NLRP14: variants seen among roughly 807,000 people sequenced by gnomAD.
NLRP14 encodes NLR family pyrin domain containing 14.
Under a neutral mutation model 94.7 loss-of-function variants are expected in NLRP14, and 105 were observed. The ratio of observed to expected loss-of-function variants is 1.11; its 90% CI spans 0.95 to 1.30. The LOEUF is 1.30. NLRP14 is among the 50% of genes most tolerant of loss of function. NLRP14 has a pLI of 0.00. For synonymous variants in NLRP14, 508 were observed against 459.9 expected, an observed-to-expected ratio of 1.10 and a Z score of -1.34; for missense variants, 1,362 against 1,254.1, an observed-to-expected ratio of 1.09 and a Z score of -1.30.
chr11:7,069,779 A>C (rs982004229), intron 10 of NLRP14, among the ~76,000 whole-genome samples: 3 of 152,088 alleles, frequency 2.0e-5, no homozygotes, highest in Middle Eastern at 3.4e-3. Flanking sequence ...GGCGCTTACC[A>C]CTACCCCCAG....
rs376413939 is a variant in NLRP14, at chr11:7,059,968, C to G, written c.2708C>G (p.Thr903Arg). Residue 903 changes from threonine to arginine, a missense_variant, in exon 9 of 12, where the codon ACG (threonine) becomes AGG (arginine). Physicochemically the swap from Thr to Arg is moderately conservative, Grantham distance 71. Transcript: ENST00000299481. ...TCTCTTCTACACAACAAGAGCCTGACGCATCTGGATCTAGGATCAAACTGG... is the reference window on the plus strand; with the variant it reads ...TCTCTTCTACACAACAAGAGCCTGAGGCATCTGGATCTAGGATCAAACTGG... Reference protein sequence around the residue: ...STSLLHNKSLTHLDLGSNWLQ... With the variant: ...STSLLHNKSLRHLDLGSNWLQ... 1 of 1,612,392 alleles carries G rather than the reference C, an allele frequency of 6.2e-7. No individual in the cohort carries two copies. Among genetic ancestry groups the G allele is most frequent in the Admixed American group, 1.7e-5 (1 of 59,934 alleles).
rs1184615052 is a variant in NLRP14 at position 7,039,784 on chromosome 11, G to C, written c.360G>C (p.Leu120=). The C allele has an allele frequency of 1.2e-6, 2 of 1,612,062 alleles. No individual in the cohort carries two copies. Among genetic ancestry groups the C allele is most frequent in the Non-Finnish European group, 8.5e-7 (1 of 1,178,244 alleles). Residue 120 remains leucine, a splice_region_variant and synonymous_variant, in exon 3 of 12, where the codon CTG becomes CTC. Coordinates refer to ENST00000299481, the MANE Select transcript of NLRP14 (RefSeq NM_176822.4). ...GETQEDQEAV[L]GDGTEYRNRI... ...CACAAGAAGATCAGGAGGCAGTGCT[G>C]GGTGAGTAGTTAGGCCTTTCATCAG...
chr11:7,044,698 G>GA (rs1852324825), intron 4 of NLRP14, among the ~76,000 whole-genome samples: 1 of 152,104 alleles, frequency 6.6e-6, no homozygotes, highest in Admixed American at 6.5e-5. Context: ...TTGAACTATG[G>GA]AATTCATTCC....
Position 7,046,650 on chromosome 11 carries a change from T to A in NLRP14, c.1959-18T>A. 1 of 1,609,496 alleles carries A rather than the reference T, an allele frequency of 6.2e-7. No individual in the cohort carries two copies. Among genetic ancestry groups the A allele is most frequent in the South Asian group, 1.1e-5 (1 of 90,996 alleles). ...TAAAATCAGCATTGTTTTTCTTTTC[T>A]CAATTATTTATGCAAAGGGATGGTG... On this transcript the variant is annotated intron_variant, in intron 4 of 11. Transcript: ENST00000299481.
At chr11:7,051,856 T>C (rs1015357065) in intron 6 of NLRP14, among the ~76,000 whole-genome samples, 4 of 152,134 alleles carry the variant, frequency 2.6e-5, no homozygotes, top group Non-Finnish European at 5.9e-5. Context: ...CTCCTGACCT[T>C]GTGATCCGCC....
chr11:7,042,682 G>C lies in NLRP14; in HGVS notation c.656G>C (p.Arg219Thr). ...RFKYVFYLNG[R>T]EINQLKERSF... ...AAGTATGTTTTTTATCTCAATGGGA[G>C]AGAAATTAACCAGCTGAAAGAGAGA... Residue 219 changes from arginine to threonine, a missense_variant, in exon 4 of 12, where the codon AGA (arginine) becomes ACA (threonine). Transcript: ENST00000299481. The C allele has an allele frequency of 6.2e-7, 1 of 1,614,212 alleles. No individual in the cohort carries two copies. Among genetic ancestry groups the C allele is most frequent in the Non-Finnish European group, 8.5e-7 (1 of 1,180,026 alleles).
chr11:7,078,050 A>G, the NLRP14 span, among the ~76,000 whole-genome samples: 1 of 152,210 alleles, frequency 6.6e-6, no homozygotes, highest in Non-Finnish European at 1.5e-5. Flanking sequence ...TGTACTTAAC[A>G]CTACTGGAAT....
intron 4 of NLRP14, among the ~76,000 whole-genome samples, chr11:7,045,918 T>G (rs899806381): frequency 6.6e-6 from 1 of 152,104 alleles, no homozygotes; most frequent in African/African-American, 2.4e-5. Context: ...GAGGCTCACA[T>G]AGGTTAGTAA....
chr11:7,049,911 A>C lies in NLRP14; in HGVS notation c.2291+73A>C, dbSNP rs1852418105. On this transcript the variant is annotated intron_variant, in intron 6 of 11. Transcript: ENST00000299481. ...TTTGTCTATCCAAGTAGACTCTTACAGCCTGGATTTGCTATTCATAGGACC... is the reference window on the plus strand; with the variant it reads ...TTTGTCTATCCAAGTAGACTCTTACCGCCTGGATTTGCTATTCATAGGACC... 2.3e-6 allele frequency: 3 copies of C among 1,286,638 alleles called. No individual in the cohort carries two copies. In the South Asian group the frequency reaches 3.6e-5, roughly 15 times the overall value. The allele number at this position is 1,286,638 out of a possible 1,614,324, so 79.7% of individuals were successfully genotyped here. A position where few individuals can be genotyped will look rare whatever the true frequency, so the allele number is the denominator to read the frequency against.
Position 7,042,780 on chromosome 11 carries a change from A to G in NLRP14, c.754A>G (p.Ser252Gly). The stretch of plus-strand genomic sequence containing the variant: ...CATTGAAGAAATCATGTACCAGCCA[A>G]GTAGCCTCTTGTTTATTATTGACAG... ...GPIEEIMYQP[S>G]SLLFIIDSFD... is the part of the protein sequence containing the mutation. The change falls in exon 4 of 12, where the codon AGT becomes GGT. Residue 252 changes from serine to glycine, a missense_variant. By Grantham distance (56) the Ser-to-Gly change is moderately conservative. Transcript: ENST00000299481. 2 of 1,614,222 alleles carry G rather than the reference A, an allele frequency of 1.2e-6. No individual in the cohort carries two copies. Among genetic ancestry groups the G allele is most frequent in the Non-Finnish European group, 8.5e-7 (1 of 1,180,026 alleles).
intron 8 of NLRP14, among the ~76,000 whole-genome samples, chr11:7,059,207 AT>A (rs1852571683): frequency 6.7e-6 from 1 of 149,932 alleles, no homozygotes; most frequent in Non-Finnish European, 1.5e-5. Flanking sequence ...ATATATTATT[AT>A]TTTTTATATA....
chr11:7,083,710 C>T, the NLRP14 span, among the ~76,000 whole-genome samples: 2 of 152,150 alleles, frequency 1.3e-5, no homozygotes, highest in African/African-American at 4.8e-5. Context: ...CTGCAGGCCC[C>T]CAGTGTCCAC....
At chr11:7,055,345 A>G (rs1242899127) in intron 6 of NLRP14, among the ~76,000 whole-genome samples, 2 of 152,138 alleles carry the variant, frequency 1.3e-5, no homozygotes, top group Non-Finnish European at 2.9e-5. Flanking sequence ...GCAACCATAT[A>G]GCTTCGGCAA....
intron 6 of NLRP14, among the ~76,000 whole-genome samples, chr11:7,054,230 C>G (rs1035390478): frequency 6.6e-6 from 1 of 152,102 alleles, no homozygotes; most frequent in Non-Finnish European, 1.5e-5. Flanking sequence ...AGGTTGCTTC[C>G]AAATCTTGGC....
At chr11:7,083,448 A>G in the NLRP14 span, among the ~76,000 whole-genome samples, 7 of 152,186 alleles carry the variant, frequency 4.6e-5, no homozygotes, top group African/African-American at 1.4e-4. Flanking sequence ...ATTCTTTGAC[A>G]GTTCTCTGAA....
intron 1 of NLRP14, among the ~76,000 whole-genome samples, chr11:7,022,907 G>C (rs773139844): frequency 3.3e-5 from 5 of 152,060 alleles, no homozygotes; most frequent in Non-Finnish European, 5.9e-5. Context: ...TTATCATTCA[G>C]AACTTCTACA....
chr11:7,059,278 G>T (rs1852573062), intron 8 of NLRP14, among the ~76,000 whole-genome samples: 1 of 150,258 alleles, frequency 6.7e-6, no homozygotes, highest in African/African-American at 2.4e-5. Context: ...GTCATTTTTA[G>T]AACAGATAAG....
intron 1 of NLRP14, among the ~76,000 whole-genome samples, chr11:7,029,177 A>G (rs1239206807): frequency 6.6e-6 from 1 of 152,192 alleles, no homozygotes; most frequent in South Asian, 2.1e-4. Flanking sequence ...TAAAAATGGA[A>G]TACTACCACT....
rs772792824 is a variant in NLRP14, at chr11:7,042,997, A to T, written c.971A>T (p.Tyr324Phe). 3.1e-6 allele frequency: 5 copies of T among 1,614,196 alleles called. No homozygotes were observed. The highest frequency in any genetic ancestry group is 4.2e-6 in the Non-Finnish European group (5 of 1,180,018). ...RLKQLLKNHH[Y>F]VELLGMSEDA... ...AAGCAGTTGTTGAAGAATCACCATT[A>T]TGTAGAGCTACTAGGAATGTCTGAG... Residue 324 changes from tyrosine to phenylalanine, a missense_variant, in exon 4 of 12, where the codon TAT becomes TTT. By Grantham distance (22) the Tyr-to-Phe change is conservative. Transcript: ENST00000299481.
Sources: gnomAD v4.1 joint callset for allele counts (sites outside exome capture counted in the v4.1 genomes callset) on GRCh38, gnomAD v4.1.1 for gene constraint, MANE v1.5 for transcripts, NCBI Gene and HGNC (gene_info 2026-07-23, HGNC 2026-07-21) for gene names.